ELAVL2: variants seen among roughly 807,000 people sequenced by gnomAD.
ELAVL2 encodes ELAV like RNA binding protein 2, also known as ELAV-like protein 2.
A neutral mutation model predicts 34.6 loss-of-function variants in ELAVL2; 4 were observed. The ratio of observed to expected loss-of-function variants is 0.12; its 90% CI spans 0.06 to 0.26. The LOEUF (loss-of-function observed/expected upper bound fraction) is 0.26, where lower values mean the gene tolerates loss of function less well. Ranked by LOEUF, ELAVL2 falls within the 10% of genes least tolerant of loss-of-function variation. The pLI is 1.00. For missense variants in ELAVL2, 432 were observed against 442.8 expected (o/e 0.98, Z 0.22); for synonymous variants, 193 against 154.8 (o/e 1.25, Z -1.83).
intron 3 of ELAVL2, among the ~76,000 whole-genome samples, chr9:23,708,504 T>C (rs1020540348): frequency 1.3e-5 from 2 of 152,196 alleles, no homozygotes; most frequent in Non-Finnish European, 2.9e-5. Flanking sequence ...TCAATAATAC[T>C]ATGGTAAGTG....
At chr9:23,764,976 T>C (rs1459497987) in intron 1 of ELAVL2, 3 of 1,599,582 alleles carry the variant, frequency 1.9e-6, no homozygotes, top group Admixed American at 1.8e-5. Context: ...TAAAAAAAAG[T>C]AGCCTACAGA....
chr9:23,792,701 A>C (rs1388732122), intron 1 of ELAVL2, among the ~76,000 whole-genome samples: 1 of 152,228 alleles, frequency 6.6e-6, no homozygotes, highest in Non-Finnish European at 1.5e-5. Flanking sequence ...AAAACCCTGC[A>C]TAAGGTCAAA....
At chr9:23,840,288 A>G in the ELAVL2 span, among the ~76,000 whole-genome samples, 2 of 152,222 alleles carry the variant, frequency 1.3e-5, no homozygotes, top group Non-Finnish European at 2.9e-5. Context: ...ATTCTCACAC[A>G]TGGCTGTGCA....
In ELAVL2 at chr9:23,791,185, T is replaced by C. The variant is rs532964897; in HGVS notation, c.-15-28936A>G. ...AAAGGCAGAGGTGGTCACAAACTAC[T>C]GTACAGACAGGGTAAATGGAAAAGA... On this transcript the variant is annotated intron_variant, in intron 1 of 6. Coordinates refer to ENST00000397312, the MANE Select transcript of ELAVL2 (RefSeq NM_004432.5). Among the ~76,000 whole-genome samples the C allele has an allele frequency of 6.8e-4, 104 of 152,280 alleles. 1 individual carries two copies. Among genetic ancestry groups the C allele is most frequent in the Non-Finnish European group, 1.3e-3 (90 of 68,024 alleles).
At chr9:23,743,460 A>G (rs981641042) in intron 2 of ELAVL2, among the ~76,000 whole-genome samples, 13 of 152,188 alleles carry the variant, frequency 8.5e-5, no homozygotes, top group African/African-American at 3.1e-4. Context: ...ATTAGGACAC[A>G]AAAGTAATGT....
intron 1 of ELAVL2, among the ~76,000 whole-genome samples, chr9:23,790,021 A>G (rs575923391): frequency 6.6e-6 from 1 of 152,292 alleles, no homozygotes; most frequent in African/African-American, 2.4e-5. Context: ...AAATGCTTGA[A>G]TAATCCATTA....
Position 23,693,061 on chromosome 9 carries a change from T to A in ELAVL2, c.753-177A>T, listed in dbSNP as rs928681057. Among the ~76,000 whole-genome samples, 49 of 152,238 alleles carry A rather than the reference T, an allele frequency of 3.2e-4. 1 individual carries two copies. Among genetic ancestry groups the A allele is most frequent in the Admixed American group, 1.3e-4 (2 of 15,284 alleles). On this transcript the variant is annotated intron_variant, in intron 6 of 6. Coordinates refer to ENST00000397312, the MANE Select transcript of ELAVL2 (RefSeq NM_004432.5). ...GTCTGTGTGTGGCTTTGCAGTGACATGCTAGACTACTGAGATATTAATAAG... is the reference window on the plus strand; with the variant it reads ...GTCTGTGTGTGGCTTTGCAGTGACAAGCTAGACTACTGAGATATTAATAAG...
the ELAVL2 span, among the ~76,000 whole-genome samples, chr9:23,846,161 G>A: frequency 1.3e-5 from 2 of 151,962 alleles, no homozygotes; most frequent in East Asian, 3.9e-4. Context: ...ATTTATTAGA[G>A]AGTCTATCAT....
intron 4 of ELAVL2, among the ~76,000 whole-genome samples, chr9:23,702,981 A>AAAAAAAAAAAAG (rs2037974733): frequency 7.7e-6 from 1 of 129,624 alleles, no homozygotes; most frequent in Non-Finnish European, 1.6e-5. Context: ...AAAAAAAAAA[A>AAAAAAAAAAAAG]CAGCCTCTAC....
chr9:23,744,325 G>A (rs886596085), intron 2 of ELAVL2, among the ~76,000 whole-genome samples: 8 of 152,238 alleles, frequency 5.3e-5, no homozygotes, highest in Middle Eastern at 3.4e-3. Flanking sequence ...TACACCACTC[G>A]AAGAAATGAA....
chr9:23,792,412 C>T (rs1375576152), intron 1 of ELAVL2, among the ~76,000 whole-genome samples: 1 of 152,178 alleles, frequency 6.6e-6, no homozygotes, highest in African/African-American at 2.4e-5. Flanking sequence ...TCCATAACTG[C>T]TAATTTACCT....
intron 3 of ELAVL2, among the ~76,000 whole-genome samples, chr9:23,729,050 G>A (rs1336146690): frequency 6.6e-6 from 1 of 152,142 alleles, no homozygotes; most frequent in Non-Finnish European, 1.5e-5. Context: ...AGAAAAGGCT[G>A]GATGATGAAC....
At chr9:23,850,268 C>G in the ELAVL2 span, among the ~76,000 whole-genome samples, 1 of 150,734 alleles carries the variant, frequency 6.6e-6, no homozygotes, top group Non-Finnish European at 1.5e-5. Context: ...CGCGATTACC[C>G]GAGTGACTGC....
intron 1 of ELAVL2, among the ~76,000 whole-genome samples, chr9:23,789,624 T>C (rs2060104640): frequency 1.3e-5 from 2 of 152,164 alleles, no homozygotes; most frequent in African/African-American, 2.4e-5. Context: ...CTTAAGATGA[T>C]TTCCACGCAC....
chr9:23,697,516 T>C (rs575060627), intron 5 of ELAVL2, among the ~76,000 whole-genome samples: 64 of 152,324 alleles, frequency 4.2e-4, no homozygotes, highest in Non-Finnish European at 7.4e-4. Flanking sequence ...TTAGAGTTTA[T>C]AATTTAATGA....
intron 1 of ELAVL2, chr9:23,821,245 C>T (rs1431214973): frequency 1.3e-5 from 2 of 152,426 alleles, no homozygotes; most frequent in African/African-American, 4.8e-5. Context: ...CAACAGTTTC[C>T]TTCTTGCGCT....
At chr9:23,738,731 T>A (rs2048460607) in intron 2 of ELAVL2, among the ~76,000 whole-genome samples, 1 of 152,158 alleles carries the variant, frequency 6.6e-6, no homozygotes, top group Admixed American at 6.5e-5. Flanking sequence ...AATCATAACT[T>A]TTCTGCTGAA....
At chr9:23,795,210 A>G (rs2060772264) in intron 1 of ELAVL2, among the ~76,000 whole-genome samples, 1 of 152,172 alleles carries the variant, frequency 6.6e-6, no homozygotes, top group African/African-American at 2.4e-5. Context: ...TTTATATAAG[A>G]TTCCCTAAGA....
chr9:23,710,753 G>A (rs552663505), intron 3 of ELAVL2, among the ~76,000 whole-genome samples: 8 of 152,264 alleles, frequency 5.3e-5, no homozygotes, highest in South Asian at 4.1e-4. Context: ...TGGAGTCTTC[G>A]TGGGACTATC....
Sources: gnomAD v4.1 joint callset for allele counts (sites outside exome capture counted in the v4.1 genomes callset) on GRCh38, gnomAD v4.1.1 for gene constraint, MANE v1.5 for transcripts, NCBI Gene and HGNC (gene_info 2026-07-23, HGNC 2026-07-21) for gene names.